Variants in MYO16 observed in about 807,000 individuals in gnomAD.
MYO16 encodes myosin XVI.
A neutral mutation model predicts 205.3 loss-of-function variants in MYO16; 94 were observed. The observed-to-expected ratio is 0.46, with a 90% CI of 0.39 to 0.54. The LOEUF (loss-of-function observed/expected upper bound fraction) is 0.54. Among genes scored for constraint, MYO16 ranks in the 20% least tolerant of loss-of-function variants. The probability of loss-of-function intolerance (pLI) is 0.00; values close to 1 mark genes in which losing one functional copy is unlikely to be tolerated. For synonymous variants in MYO16, 988 were observed against 954.0 expected (o/e 1.04, Z -0.66); for missense variants, 2,315 against 2,387.5 (o/e 0.97, Z 0.63).
At chr13:108,964,004 G>A (rs369340895) in intron 19 of MYO16, among the ~76,000 whole-genome samples, 11 of 152,060 alleles carry the variant, frequency 7.2e-5, no homozygotes, top group South Asian at 2.1e-4. Flanking sequence ...TTCCTCACCC[G>A]TGCTTCTAAC....
intron 34 of MYO16, among the ~76,000 whole-genome samples, chr13:109,206,289 G>A (rs556541581): frequency 3.5e-4 from 53 of 152,288 alleles, no homozygotes; most frequent in African/African-American, 1.2e-3. Flanking sequence ...AGTACAAGAT[G>A]CCATAAGAAT....
chr13:108,828,702 G>A (rs1876423483), intron 9 of MYO16, among the ~76,000 whole-genome samples: 2 of 151,978 alleles, frequency 1.3e-5, no homozygotes, highest in Non-Finnish European at 1.5e-5. Context: ...CCTCCAGGAG[G>A]AGCAGGACAG....
At chr13:108,645,600 A>G (rs557972665) in intron 1 of MYO16, among the ~76,000 whole-genome samples, 1 of 152,306 alleles carries the variant, frequency 6.6e-6, no homozygotes, top group Non-Finnish European at 1.5e-5. Context: ...ATTCTGGGGA[A>G]AAGATCGCCA....
chr13:108,957,254 C>A (rs929055131), intron 16 of MYO16, among the ~76,000 whole-genome samples: 1 of 151,752 alleles, frequency 6.6e-6, no homozygotes, highest in Admixed American at 6.6e-5. Flanking sequence ...CGTGGTGGCA[C>A]GCACCTGTAA....
At chr13:108,736,134 A>T (rs1178695393) in intron 4 of MYO16, among the ~76,000 whole-genome samples, 1 of 151,816 alleles carries the variant, frequency 6.6e-6, no homozygotes, top group African/African-American at 2.4e-5. Context: ...GCTGTGCAGG[A>T]GCTCTTTTGT....
At chr13:109,066,010 G>A (rs533787829) in intron 27 of MYO16, among the ~76,000 whole-genome samples, 5 of 152,276 alleles carry the variant, frequency 3.3e-5, no homozygotes, top group African/African-American at 1.2e-4. Flanking sequence ...ATTGTTACTG[G>A]ATGAAATCCC....
intron 20 of MYO16, among the ~76,000 whole-genome samples, chr13:108,990,878 T>C (rs923411283): frequency 2.0e-5 from 3 of 152,190 alleles, no homozygotes; most frequent in Non-Finnish European, 4.4e-5. Flanking sequence ...TGGATTATAA[T>C]TATGTACTGT....
At chr13:108,634,849 A>G (rs1306673320) in intron 1 of MYO16, among the ~76,000 whole-genome samples, 1 of 151,986 alleles carries the variant, frequency 6.6e-6, no homozygotes, top group East Asian at 1.9e-4. Flanking sequence ...AACCTCATCC[A>G]TTCTCATGGC....
chr13:108,500,378 T>C, the MYO16 span, among the ~76,000 whole-genome samples: 20 of 151,482 alleles, frequency 1.3e-4, no homozygotes, highest in East Asian at 9.7e-4. Context: ...TACAGGCGCC[T>C]GCCACCACGC....
At chr13:108,695,367 C>T (rs183790081) in intron 2 of MYO16, among the ~76,000 whole-genome samples, 1 of 152,180 alleles carries the variant, frequency 6.6e-6, no homozygotes. Flanking sequence ...ATTCCTGATT[C>T]CATTTCATTG....
chr13:108,863,142 T>C (rs1317046152), intron 11 of MYO16, among the ~76,000 whole-genome samples: 1 of 152,192 alleles, frequency 6.6e-6, no homozygotes, highest in Non-Finnish European at 1.5e-5. Context: ...CAATGCCATA[T>C]AGTCTGCAAA....
intron 1 of MYO16, among the ~76,000 whole-genome samples, chr13:108,664,069 G>C (rs116698517): frequency 5.3e-5 from 8 of 152,148 alleles, no homozygotes; most frequent in Admixed American, 5.2e-4. Context: ...ATTTGTCATC[G>C]TTTCAGAACC....
At chr13:108,543,973 A>C in the MYO16 span, among the ~76,000 whole-genome samples, 1 of 150,216 alleles carries the variant, frequency 6.7e-6, no homozygotes, top group South Asian at 2.1e-4. Flanking sequence ...GCTGAGGCAG[A>C]AGAATCGCTT....
chr13:109,040,358 G>GCACA (rs1178153837), intron 23 of MYO16, among the ~76,000 whole-genome samples: 2 of 77,140 alleles, frequency 2.6e-5, no homozygotes, highest in African/African-American at 8.8e-5. Context: ...ACAGACAGTA[G>GCACA]CATACACACA....
chr13:108,936,692 C>A (rs1205909303), intron 16 of MYO16, among the ~76,000 whole-genome samples: 1 of 152,006 alleles, frequency 6.6e-6, no homozygotes, highest in African/African-American at 2.4e-5. Context: ...ATCTTTCTCC[C>A]ACCCTTTACT....
intron 2 of MYO16, among the ~76,000 whole-genome samples, chr13:108,669,896 G>C (rs1881909356): frequency 6.6e-6 from 1 of 152,050 alleles, no homozygotes; most frequent in Non-Finnish European, 1.5e-5. Context: ...ACACAGGGAG[G>C]GGAACATCAC....
chr13:108,579,687 C>T, the MYO16 span, among the ~76,000 whole-genome samples: 1 of 152,160 alleles, frequency 6.6e-6, no homozygotes, highest in African/African-American at 2.4e-5. Flanking sequence ...GATCCACCTG[C>T]CTCGGCCTCC....
intron 9 of MYO16, among the ~76,000 whole-genome samples, chr13:108,825,655 A>G (rs1337211099): frequency 3.3e-5 from 5 of 151,964 alleles, no homozygotes; most frequent in Non-Finnish European, 7.4e-5. Context: ...CTCTATGTTC[A>G]GATGACATAA....
chr13:108,857,096 T>G (rs2139104934), intron 11 of MYO16, among the ~76,000 whole-genome samples: 1 of 152,308 alleles, frequency 6.6e-6, no homozygotes, highest in Admixed American at 6.5e-5. Flanking sequence ...TAGACTGTTT[T>G]TTTGTTTGTT....
Sources: allele counts gnomAD v4.1 joint callset (sites outside exome capture counted in the v4.1 genomes callset), GRCh38; gene constraint gnomAD v4.1.1; transcripts MANE v1.5; gene names NCBI Gene and HGNC (gene_info 2026-07-23, HGNC 2026-07-21).